RXFP2: variants seen among roughly 807,000 people sequenced by gnomAD.
RXFP2 encodes relaxin receptor 2.
RXFP2 carries 68 observed loss-of-function variants against 88.6 expected under a neutral mutation model. The observed-to-expected ratio is 0.77, with a 90% CI of 0.63 to 0.94. The LOEUF (loss-of-function observed/expected upper bound fraction) is 0.94. RXFP2 is among the 40% of genes least tolerant of loss of function. The pLI, the probability that RXFP2 is intolerant of heterozygous loss-of-function variation, is 0.00. For synonymous variants in RXFP2, 329 were observed against 306.8 expected (o/e 1.07, Z -0.76); for missense variants, 791 against 893.9 (o/e 0.88, Z 1.47).
chr13:31,782,294 A>G (rs1465509753), intron 10 of RXFP2, among the ~76,000 whole-genome samples: 2 of 152,162 alleles, frequency 1.3e-5, no homozygotes, highest in Non-Finnish European at 2.9e-5. Context: ...TCAAAACATC[A>G]GTGTTTTGGT....
rs1333898755 is a variant in RXFP2 at position 31,782,728 on chromosome 13, T to A, written c.910T>A (p.Leu304Ile). Residue 304 changes from leucine (L) to isoleucine (I), a missense_variant, in exon 11 of 18, where the codon TTA (leucine) becomes ATA (isoleucine). Coordinates refer to ENST00000298386, the MANE Select transcript of RXFP2 (RefSeq NM_130806.5). ...GFVPEKTFSSLKNLGELDLSS... is the reference protein window; with the variant it reads ...GFVPEKTFSSIKNLGELDLSS... ...TGTTCCAGAGAAGACATTTTCTTCA[T>A]TAAAAAATTTAGGAGAACTGTAAGT... is the stretch of plus-strand genomic sequence containing the variant. 6.2e-7 allele frequency: 1 copy of A among 1,602,426 alleles called. No individual in the cohort carries two copies. Among genetic ancestry groups the A allele is most frequent in the South Asian group, 1.1e-5 (1 of 90,852 alleles).
In RXFP2 at chr13:31,786,417, C is replaced by T. The variant is rs1385772475; in HGVS notation, c.964C>T (p.Pro322Ser). The T allele has an allele frequency of 1.2e-6, 2 of 1,609,704 alleles. No homozygotes were observed. Among genetic ancestry groups the T allele is most frequent in the Non-Finnish European group, 1.7e-6 (2 of 1,176,050 alleles). Residue 322 changes from proline (P) to serine (S), a missense_variant, in exon 12 of 18, where the codon CCT (proline) becomes TCT (serine). Transcript: ENST00000298386. ...LSSNTITELS[P>S]HLFKDLKLLQ... ...TAGCAATACGATAACGGAACTATCA[C>T]CTCACCTTTTTAAAGACTTGAAGCT...
rs776535132 is a variant in RXFP2 at position 31,796,038 on chromosome 13, C to CTTTTTTTT, written c.1787-1141_1787-1134dup. Among the ~76,000 whole-genome samples the CTTTTTTTT allele has an allele frequency of 4.9e-4, 18 of 36,984 alleles. 2 individuals carry two copies. Among genetic ancestry groups the CTTTTTTTT allele is most frequent in the African/African-American group, 1.6e-3 (13 of 8,214 alleles). The allele number at this position is 36,984 out of a possible 152,430, so 24.3% of individuals were successfully genotyped here. ...ATACATTTTTGTTCTATGTGTTATT[C>CTTTTTTTT]TTTTTTTTTTTTTTTTTTTTTTTTT... is the stretch of plus-strand genomic sequence containing the variant. On this transcript the variant is annotated intron_variant, in intron 16 of 17. Coordinates refer to ENST00000298386, the MANE Select transcript of RXFP2 (RefSeq NM_130806.5).
intron 14 of RXFP2, among the ~76,000 whole-genome samples, chr13:31,790,575 G>C (rs559401741): frequency 6.6e-6 from 1 of 152,194 alleles, no homozygotes; most frequent in Admixed American, 6.5e-5. Flanking sequence ...CAGGCACTGC[G>C]TTAGACACCA....
chr13:31,783,859 C>G (rs1593465759), intron 11 of RXFP2, among the ~76,000 whole-genome samples: 1 of 152,132 alleles, frequency 6.6e-6, no homozygotes, highest in East Asian at 1.9e-4. Flanking sequence ...TCTTGTCACC[C>G]AGGCTGGAGT....
At chr13:31,775,811 T>C (rs2138430653) in intron 7 of RXFP2, among the ~76,000 whole-genome samples, 1 of 152,358 alleles carries the variant, frequency 6.6e-6, no homozygotes, top group African/African-American at 2.4e-5. Context: ...TTGTAGTATT[T>C]CACCACTTTC....
At chr13:31,779,694 C>T (rs780812187) in intron 9 of RXFP2, among the ~76,000 whole-genome samples, 6 of 152,232 alleles carry the variant, frequency 3.9e-5, no homozygotes, top group East Asian at 1.9e-4. Context: ...CTGATGGTAG[C>T]GCTGCTGGAA....
chr13:31,775,239 C>A, intron 6 of RXFP2, 79 bp from the exon 7 acceptor site: 1 of 1,100,956 alleles, frequency 9.1e-7, no homozygotes, highest in Non-Finnish European at 1.4e-6. Flanking sequence ...TAATCATCAT[C>A]AGTGGCTCAT....
At chr13:31,774,559 C>A in intron 5 of RXFP2, 61 bp from the exon 6 acceptor site, 2 of 865,694 alleles carry the variant, frequency 2.3e-6, no homozygotes, top group South Asian at 1.3e-5. Context: ...AGAATATGTT[C>A]AACAACCTAA....
chr13:31,763,241 T>G lies in RXFP2; in HGVS notation c.319+1440T>G, dbSNP rs149348063. ...CTGGGACCACAGACATGCACCACCA[T>G]GCCTGGCTAATTTTCATATTCTTTG... is the stretch of plus-strand genomic sequence containing the variant. On this transcript the variant is annotated intron_variant, in intron 3 of 17. Transcript: ENST00000298386. Among the ~76,000 whole-genome samples the G allele has an allele frequency of 3.5e-3, 527 of 152,096 alleles. 5 individuals carry two copies. Among genetic ancestry groups the G allele is most frequent in the African/African-American group, 0.012 (478 of 41,492 alleles).
intron 5 of RXFP2, among the ~76,000 whole-genome samples, chr13:31,771,448 A>T (rs1274761787): frequency 2.6e-5 from 4 of 152,182 alleles, no homozygotes; most frequent in African/African-American, 7.2e-5. Context: ...GAATCTAAGG[A>T]TAAATGTAAT....
Position 31,797,434 on chromosome 13 carries a change from T to A in RXFP2, c.2005+15T>A. On this transcript the variant is annotated intron_variant, in intron 17 of 17. Transcript: ENST00000298386. ...GGAAATACCAGGTCAGTCTCTTCTA[T>A]CATTCCCAAGTATAATACATCGTGC... The A allele has an allele frequency of 6.3e-7, 1 of 1,584,404 alleles. No homozygotes were observed. The highest frequency in any genetic ancestry group is 1.7e-5 in the Admixed American group (1 of 59,988).
rs1265045332 is a variant in RXFP2, at chr13:31,761,772, C to G, written c.290C>G (p.Ala97Gly). The part of the protein sequence containing the change: ...ATIFGTVHGN[A>G]NSVALTQECF... ...ATATTTGGCACAGTGCATGGAAATG[C>G]TAACAGCGTGGCCTTAACACAGGAG... Residue 97 changes from alanine (A) to glycine (G), a missense_variant, in exon 3 of 18, where the codon GCT becomes GGT. Ala to Gly is a moderately conservative substitution (Grantham distance 60). Coordinates refer to ENST00000298386, the MANE Select transcript of RXFP2 (RefSeq NM_130806.5). The G allele has an allele frequency of 1.9e-6, 3 of 1,612,984 alleles. No homozygotes were observed. The highest frequency in any genetic ancestry group is 1.7e-6 in the Non-Finnish European group (2 of 1,179,040).
chr13:31,781,347 C>T (rs889248340), intron 9 of RXFP2, among the ~76,000 whole-genome samples: 2 of 151,930 alleles, frequency 1.3e-5, no homozygotes, highest in Non-Finnish European at 2.9e-5. Flanking sequence ...CTGTGTGATG[C>T]GTGTAGAACA....
At chr13:31,786,825 TC>T (rs1873568287) in intron 13 of RXFP2, among the ~76,000 whole-genome samples, 188 bp downstream of exon 13, 1 of 152,212 alleles carries the variant, frequency 6.6e-6, no homozygotes, top group South Asian at 2.1e-4. Flanking sequence ...ATGTATGAAG[TC>T]CATTTCTGTA....
chr13:31,748,816 C>A (rs1871537414), intron 1 of RXFP2, among the ~76,000 whole-genome samples: 1 of 152,080 alleles, frequency 6.6e-6, no homozygotes. Context: ...GAAACCCCAT[C>A]TCTATTAAAA....
At chr13:31,768,469 A>G (rs1421681543) in intron 5 of RXFP2, among the ~76,000 whole-genome samples, 1 of 152,174 alleles carries the variant, frequency 6.6e-6, no homozygotes. Flanking sequence ...GGTGGGGCAG[A>G]CACCGTTACA....
chr13:31,792,869 G>C lies in RXFP2; in HGVS notation c.1567G>C (p.Val523Leu). The C allele has an allele frequency of 6.2e-7, 1 of 1,614,148 alleles. No homozygotes were observed. The highest frequency in any genetic ancestry group is 8.5e-7 in the Non-Finnish European group (1 of 1,180,040). ...LTYLTLEKFLVIVFPFSNIRP... is the reference protein window; with the variant it reads ...LTYLTLEKFLLIVFPFSNIRP... ...CTACTTGACTTTGGAGAAGTTCCTG[G>C]TCATTGTCTTCCCCTTCAGTAACAT... Residue 523 changes from valine (V) to leucine (L), a missense_variant, in exon 16 of 18, where the codon GTC becomes CTC. Physicochemically the swap from Val to Leu is conservative, Grantham distance 32. Transcript: ENST00000298386.
chr13:31,771,506 A>G (rs764858121), intron 5 of RXFP2, among the ~76,000 whole-genome samples: 1 of 152,130 alleles, frequency 6.6e-6, no homozygotes, highest in African/African-American at 2.4e-5. Flanking sequence ...CCATAGAAAA[A>G]TTGGCCAGGC....
Sources: gnomAD v4.1 joint callset for allele counts (sites outside exome capture counted in the v4.1 genomes callset) on GRCh38, gnomAD v4.1.1 for gene constraint, MANE v1.5 for transcripts, NCBI Gene and HGNC (gene_info 2026-07-23, HGNC 2026-07-21) for gene names.